The following MAP1B variants were observed in gnomAD, a reference collection of about 807,000 sequenced individuals.
The protein encoded by MAP1B is microtubule-associated protein 1B.
A neutral mutation model predicts 176.1 loss-of-function variants in MAP1B; 12 were observed. That is an observed-to-expected ratio of 0.07 (90% CI 0.04 to 0.11). MAP1B has a LOEUF of 0.11. Among genes scored for constraint, MAP1B ranks in the 10% least tolerant of loss-of-function variants. MAP1B has a pLI of 1.00. For missense variants in MAP1B, 2,523 were observed against 2,990.5 expected, an observed-to-expected ratio of 0.84 and a Z score of 3.65; for synonymous variants, 1,044 against 1,135.0, an observed-to-expected ratio of 0.92 and a Z score of 1.61.
rs140287195 is a variant in MAP1B, at chr5:72,141,641, C to G, written c.286+25842C>G. 3.2e-3 allele frequency among the ~76,000 whole-genome samples: 482 copies of G among 152,224 alleles called. 2 individuals are homozygous for G. Among genetic ancestry groups the G allele is most frequent in the East Asian group, 0.03 (157 of 5,164 alleles). ...ATGACTCAGAAAGCTGGACAATGCCCTAGAATGACTTTCTCCATTAAGCCC... is the reference window on the plus strand; with the variant it reads ...ATGACTCAGAAAGCTGGACAATGCCGTAGAATGACTTTCTCCATTAAGCCC... On this transcript the variant is annotated intron_variant, in intron 2 of 6. Coordinates refer to ENST00000296755, the MANE Select transcript of MAP1B (RefSeq NM_005909.5).
chr5:72,193,882 G>T lies in MAP1B; in HGVS notation c.527G>T (p.Ser176Ile). The T allele has an allele frequency of 1.9e-6, 3 of 1,595,822 alleles. No homozygotes were observed. The highest frequency in any genetic ancestry group is 2.6e-6 in the Non-Finnish European group (3 of 1,173,326). ...FTDQEIGELLSTTHPANKASL... is the reference protein window; with the variant it reads ...FTDQEIGELLITTHPANKASL... ...AAAACCCAGATCGGGGAGTTACTAA[G>T]CACCACCCATCCTGCCAACAAAGCC... Residue 176 changes from serine (S) to isoleucine (I), a missense_variant, in exon 5 of 7, where the codon AGC becomes ATC. This residue lies in a region of MAP1B where 307 missense variants were observed against 438.4 expected (regional missense o/e 0.70). Transcript: ENST00000296755.
At chr5:72,200,545 T>G (rs1167923153) in intron 5 of MAP1B, among the ~76,000 whole-genome samples, 178 bp downstream of exon 5, 5 of 152,236 alleles carry the variant, frequency 3.3e-5, no homozygotes, top group Non-Finnish European at 7.3e-5. Context: ...AGTGTGGCCT[T>G]AAGGCTTGGA....
chr5:72,132,413 A>T (rs1745750081), intron 2 of MAP1B, among the ~76,000 whole-genome samples: 2 of 152,108 alleles, frequency 1.3e-5, no homozygotes, highest in Non-Finnish European at 2.9e-5. Context: ...CAGCCTTAAG[A>T]ATATGTATAA....
chr5:72,123,620 G>A (rs1484488723), intron 2 of MAP1B, among the ~76,000 whole-genome samples: 1 of 152,032 alleles, frequency 6.6e-6, no homozygotes, highest in African/African-American at 2.4e-5. Context: ...GAGTAGCTGG[G>A]ACTACAGGCG....
chr5:72,147,663 G>A (rs1334945595), intron 2 of MAP1B, among the ~76,000 whole-genome samples: 1 of 152,200 alleles, frequency 6.6e-6, no homozygotes, highest in African/African-American at 2.4e-5. Context: ...TGCCCTCCCA[G>A]GGACTACCCA....
chr5:72,166,783 C>T (rs1306245182), intron 2 of MAP1B, among the ~76,000 whole-genome samples: 3 of 152,168 alleles, frequency 2.0e-5, no homozygotes, highest in Non-Finnish European at 2.9e-5. Context: ...GAATTAAAAA[C>T]TCATTAAGTA....
At chr5:72,109,399 T>C (rs1745264844) in intron 1 of MAP1B, among the ~76,000 whole-genome samples, 1 of 152,234 alleles carries the variant, frequency 6.6e-6, no homozygotes, top group African/African-American at 2.4e-5. Flanking sequence ...TCTAATTTAG[T>C]TTATTTGCAC....
At position 72,207,678 on chromosome 5, in the gene MAP1B, A is replaced by T. The variant is rs1747480835; in HGVS notation, c.*2439A>T. 2.6e-5 allele frequency: 4 copies of T among 152,178 alleles called. No individual in the cohort carries two copies. The South Asian group carries it at 8.3e-4, about 32-fold the overall frequency. The allele number at this position is 152,178 out of a possible 1,614,324, so 9.4% of individuals were successfully genotyped here. On this transcript the variant is annotated 3_prime_UTR_variant, in exon 7 of 7. Transcript: ENST00000296755. ...CTCATCTACTTCAAATTTATTTTAT[A>T]ACACAACCTAAGATACTCAAGATAA...
At chr5:72,133,053 A>G (rs756125609) in intron 2 of MAP1B, among the ~76,000 whole-genome samples, 36 of 152,092 alleles carry the variant, frequency 2.4e-4, no homozygotes, top group Non-Finnish European at 3.5e-4. Flanking sequence ...TATAACCTCC[A>G]CCCTGGGTCC....
intron 2 of MAP1B, among the ~76,000 whole-genome samples, chr5:72,136,752 T>C (rs1305056526): frequency 6.6e-6 from 1 of 152,196 alleles, no homozygotes; most frequent in African/African-American, 2.4e-5. Context: ...CTTCTGATTA[T>C]AAACTATAAA....
chr5:72,166,694 A>G (rs1362092460), intron 2 of MAP1B, among the ~76,000 whole-genome samples: 7 of 152,218 alleles, frequency 4.6e-5, no homozygotes, highest in Admixed American at 4.6e-4. Flanking sequence ...TCTTGTCTTT[A>G]TGACTATTCG....
chr5:72,202,738 A>G (rs1220263502), intron 5 of MAP1B, among the ~76,000 whole-genome samples: 2 of 152,242 alleles, frequency 1.3e-5, no homozygotes, highest in African/African-American at 4.8e-5. Context: ...CTGAAGAACC[A>G]CTGCCTCAAA....
chr5:72,198,660 A>G lies in MAP1B; in HGVS notation c.5305A>G (p.Lys1769Glu). 1 of 1,614,188 alleles carries G rather than the reference A, an allele frequency of 6.2e-7. No homozygotes were observed. Reference sequence around the variant, plus strand: ...CTTATATGCCTCACTCACCTCTGAAAAAGTGCAAAGTCTGGAAGGAGAGAA... The same window carrying G: ...CTTATATGCCTCACTCACCTCTGAAGAAGTGCAAAGTCTGGAAGGAGAGAA... ...MSLYASLTSE[K>E]VQSLEGEKLS... Residue 1769 changes from lysine to glutamate, a missense_variant, in exon 5 of 7, where the codon AAA becomes GAA. By Grantham distance (56) the Lys-to-Glu change is moderately conservative (BLOSUM62 1). Around this residue, in one of 4 missense-constraint regions of MAP1B, gnomAD observed 1,925 missense variants for 2,126.0 expected, o/e 0.91. Coordinates refer to ENST00000296755, the MANE Select transcript of MAP1B (RefSeq NM_005909.5).
intron 3 of MAP1B, among the ~76,000 whole-genome samples, chr5:72,185,446 T>G (rs1746873991): frequency 6.6e-6 from 1 of 151,804 alleles, no homozygotes; most frequent in African/African-American, 2.4e-5. Context: ...ATACAAAAAA[T>G]TAGCCGGGCA....
intron 2 of MAP1B, among the ~76,000 whole-genome samples, chr5:72,117,013 T>G (rs1745447789): frequency 6.6e-6 from 1 of 152,040 alleles, no homozygotes; most frequent in African/African-American, 2.4e-5. Context: ...CCCATACATT[T>G]CAGTTATTGA....
chr5:72,144,088 A>G (rs1183615988), intron 2 of MAP1B, among the ~76,000 whole-genome samples: 2 of 152,162 alleles, frequency 1.3e-5, no homozygotes, highest in African/African-American at 4.8e-5. Flanking sequence ...TGACTTCTAT[A>G]AAGACCCTTT....
chr5:72,193,286 A>T, intron 4 of MAP1B: 1 of 429,622 alleles, frequency 2.3e-6, no homozygotes, highest in East Asian at 7.1e-5. Context: ...AGATCCTGAA[A>T]GGAGGCCACA....
At chr5:72,177,077 C>A (rs79785008) in intron 2 of MAP1B, among the ~76,000 whole-genome samples, 2,652 of 152,224 alleles carry the variant, frequency 0.017, 84 homozygotes, top group African/African-American at 0.06. Context: ...AGTCTCCTAC[C>A]ACCTTTGTTT....
At chr5:72,166,631 T>G (rs1283168668) in intron 2 of MAP1B, among the ~76,000 whole-genome samples, 1 of 152,120 alleles carries the variant, frequency 6.6e-6, no homozygotes, top group Non-Finnish European at 1.5e-5. Flanking sequence ...CTGGTGATAA[T>G]GTGAGGCCCG....
Sources: gnomAD v4.1 joint callset for allele counts (sites outside exome capture counted in the v4.1 genomes callset) on GRCh38, gnomAD v4.1.1 for gene constraint, gnomAD v4.1.1 regional missense constraint, MANE v1.5 for transcripts, NCBI Gene and HGNC (gene_info 2026-07-23, HGNC 2026-07-21) for gene names.